URB1: variants seen among roughly 807,000 people sequenced by gnomAD.
URB1 encodes nucleolar pre-ribosomal-associated protein 1.
Under a neutral mutation model 242.3 loss-of-function variants are expected in URB1, and 197 were observed. That is an observed-to-expected ratio of 0.81 (90% CI 0.72 to 0.91). The LOEUF (loss-of-function observed/expected upper bound fraction) is 0.91. Ranked by LOEUF, URB1 falls within the 40% of genes least tolerant of loss-of-function variation. The pLI is 0.00. For synonymous variants in URB1, 1,153 were observed against 1,201.8 expected, an observed-to-expected ratio of 0.96 and a Z score of 0.84; for missense variants, 2,721 against 2,860.5, an observed-to-expected ratio of 0.95 and a Z score of 1.11.
chr21:32,358,720 T>C (rs541348654), intron 14 of URB1, among the ~76,000 whole-genome samples: 210 of 152,300 alleles, frequency 1.4e-3, no homozygotes, highest in Non-Finnish European at 2.4e-3. Context: ...ATGAGCCTAG[T>C]TGAGCTGGAG....
chr21:32,325,176 C>T, intron 31 of URB1, 53 bp downstream of exon 31: 1 of 1,508,826 alleles, frequency 6.6e-7, no homozygotes, highest in Non-Finnish European at 8.9e-7. Context: ...AGCCAGCTCT[C>T]TGAAGTCCGC....
chr21:32,323,629 G>A (rs1282785646), intron 32 of URB1, among the ~76,000 whole-genome samples: 2 of 152,188 alleles, frequency 1.3e-5, no homozygotes, highest in Non-Finnish European at 2.9e-5. Flanking sequence ...GGTGACGGCA[G>A]CTATCACTGA....
intron 15 of URB1, among the ~76,000 whole-genome samples, chr21:32,355,862 T>C (rs1218889672): frequency 6.6e-6 from 1 of 152,158 alleles, no homozygotes; most frequent in Non-Finnish European, 1.5e-5. Context: ...CTGCCTACCT[T>C]GGCCTCCCAA....
rs1169975217 is a variant in URB1, at chr21:32,383,516, AC to A, written c.472del (p.Val158Ter). On this transcript the variant is annotated frameshift_variant, in exon 4 of 39. Coordinates refer to ENST00000382751, the MANE Select transcript of URB1 (RefSeq NM_014825.3). LOFTEE classifies it high-confidence loss of function. ...RACLSLMTAM[V>X]TQGPEAARDV... ...CCTGGCAGCTTCCGGACCCTGGGTC[AC>A]CATGGCGGTCATCAGGCTCAGGCAG... is the stretch of plus-strand genomic sequence containing the variant. 6.4e-7 allele frequency: 1 copy of A among 1,551,504 alleles called. No homozygotes were observed. The highest frequency in any genetic ancestry group is 2.4e-5 in the East Asian group (1 of 40,912).
chr21:32,383,364 T>C, intron 4 of URB1, 58 bp downstream of exon 4: 1 of 1,508,726 alleles, frequency 6.6e-7, no homozygotes. Context: ...GAAAAACCAC[T>C]ACAGTCCTCC....
At chr21:32,343,103 TCA>T (rs1403017800) in intron 24 of URB1, among the ~76,000 whole-genome samples, 1 of 152,014 alleles carries the variant, frequency 6.6e-6, no homozygotes, top group Non-Finnish European at 1.5e-5. Flanking sequence ...CATAATTTTA[TCA>T]CACACACACA....
intron 27 of URB1, 31 bp downstream of exon 27, chr21:32,337,373 T>A: frequency 6.6e-7 from 1 of 1,515,294 alleles, no homozygotes; most frequent in Non-Finnish European, 9.0e-7. Flanking sequence ...TCCCTCCCCC[T>A]GCTCACACTA....
At chr21:32,384,734 C>A (rs1264707210) in intron 2 of URB1, among the ~76,000 whole-genome samples, 1 of 152,230 alleles carries the variant, frequency 6.6e-6, no homozygotes, top group Non-Finnish European at 1.5e-5. Context: ...GTAATCCCAG[C>A]ACTTTGGGAG....
intron 30 of URB1, among the ~76,000 whole-genome samples, chr21:32,327,063 G>T (rs2032838147): frequency 6.6e-6 from 1 of 151,378 alleles, no homozygotes; most frequent in Admixed American, 6.6e-5. Flanking sequence ...TTTGAAATCT[G>T]ACCAAAAAAA....
chr21:32,380,359 T>C (rs200629312), intron 4 of URB1, among the ~76,000 whole-genome samples: 13 of 152,326 alleles, frequency 8.5e-5, no homozygotes, highest in East Asian at 5.8e-4. Flanking sequence ...ATTACACCAA[T>C]GTGAGTTTCT....
intron 1 of URB1, among the ~76,000 whole-genome samples, chr21:32,391,265 G>A (rs1295731467): frequency 6.6e-6 from 1 of 152,010 alleles, no homozygotes; most frequent in African/African-American, 2.4e-5. Flanking sequence ...TATACCTAAG[G>A]TTAAATGACG....
intron 5 of URB1, among the ~76,000 whole-genome samples, chr21:32,376,524 C>T (rs981171004): frequency 5.3e-5 from 8 of 151,784 alleles, no homozygotes; most frequent in African/African-American, 1.9e-4. Context: ...TTAACTATTA[C>T]CCTTCTGATG....
Position 32,383,559 on chromosome 21 carries a change from A to C in URB1, c.435-5T>G, listed in dbSNP as rs1219215491. On this transcript the variant is annotated splice_region_variant and splice_polypyrimidine_tract_variant and intron_variant, in intron 3 of 38. Transcript: ENST00000382751. ...CTCAGGCAGGCGCGAGCCAACCTGC[A>C]CAGGGAACCAGAGGAAATCGGACAC... The C allele has an allele frequency of 3.2e-6, 5 of 1,550,312 alleles. No homozygotes were observed. The highest frequency in any genetic ancestry group is 3.5e-6 in the Non-Finnish European group (4 of 1,146,532).
intron 12 of URB1, 141 bp downstream of exon 12, chr21:32,361,751 G>A: frequency 2.4e-6 from 3 of 1,227,614 alleles, no homozygotes; most frequent in African/African-American, 1.5e-5. Context: ...AGCAAAAAAG[G>A]ATATAGACAC....
In URB1 at chr21:32,333,387, GCTTTTGT is replaced by G. The variant is rs1409763258; in HGVS notation, c.4883_4889del (p.Asp1628AlafsTer21). 5 of 1,551,486 alleles carry G rather than the reference GCTTTTGT, an allele frequency of 3.2e-6. No homozygotes were observed. Among genetic ancestry groups the G allele is most frequent in the Non-Finnish European group, 4.4e-6 (5 of 1,146,976 alleles). Reference sequence around the variant, plus strand: ...CATAGAGGCCATCAAGATCCACCCTGCTTTTGTCTTTGAATATCAGCTCCTGTGTGTC... The same window carrying G: ...CATAGAGGCCATCAAGATCCACCCTGCTTTGAATATCAGCTCCTGTGTGTC... On this transcript the variant is annotated frameshift_variant, in exon 30 of 39. Coordinates refer to ENST00000382751, the MANE Select transcript of URB1 (RefSeq NM_014825.3). LOFTEE classifies it high-confidence loss of function.
rs143187576 is a variant in URB1 at position 32,343,017 on chromosome 21, G to A, written c.4258-1493C>T. ...GTGGGGAAAAAAAATCTCTAAATAT[G>A]GTATTATGCTAAAAACAAACAAAAG... On this transcript the variant is annotated intron_variant, in intron 24 of 38. Transcript: ENST00000382751. Among the ~76,000 whole-genome samples the A allele has an allele frequency of 3.7e-3, 566 of 151,906 alleles. 2 individuals carry two copies. The highest frequency in any genetic ancestry group is 0.013 in the African/African-American group (520 of 41,428).
In URB1 at chr21:32,338,596, T is replaced by C. The variant is rs931246323; in HGVS notation, c.4510+111A>G. On this transcript the variant is annotated intron_variant, in intron 26 of 38. Coordinates refer to ENST00000382751, the MANE Select transcript of URB1 (RefSeq NM_014825.3). ...AAACATTCTGACACTGTCTTGGCAA[T>C]GCTTCCTTAGCTCCGAGAGCCGGAG... 18 of 1,226,296 alleles carry C rather than the reference T, an allele frequency of 1.5e-5. No individual in the cohort carries two copies. In the African/African-American group the frequency reaches 2.1e-4, roughly 14 times the overall value. The allele number at this position is 1,226,296 out of a possible 1,614,324, so 76.0% of individuals were successfully genotyped here.
chr21:32,374,049 G>A (rs1450302362), intron 6 of URB1, among the ~76,000 whole-genome samples: 1 of 152,148 alleles, frequency 6.6e-6, no homozygotes, highest in East Asian at 1.9e-4. Flanking sequence ...TTTTTTGCCT[G>A]AGATTTTATT....
chr21:32,331,187 A>G (rs894527968), intron 30 of URB1, among the ~76,000 whole-genome samples: 4 of 152,104 alleles, frequency 2.6e-5, no homozygotes, highest in Non-Finnish European at 5.9e-5. Context: ...CCACACCCCC[A>G]GCACACCCCA....
Sources: gnomAD v4.1 joint callset for allele counts (sites outside exome capture counted in the v4.1 genomes callset) on GRCh38, gnomAD v4.1.1 for gene constraint, MANE v1.5 for transcripts, NCBI Gene and HGNC (gene_info 2026-07-23, HGNC 2026-07-21) for gene names.